CNTN5: variants seen among roughly 807,000 people sequenced by gnomAD.
CNTN5 encodes the protein contactin 5.
In CNTN5, 77 loss-of-function variants were observed where a neutral mutation model predicts 129.1. The observed-to-expected ratio is 0.60, with a 90% CI of 0.50 to 0.72. CNTN5 has a LOEUF of 0.72. CNTN5 is among the 30% of genes least tolerant of loss of function. The pLI is 0.00. For synonymous variants in CNTN5, 509 were observed against 465.6 expected, an observed-to-expected ratio of 1.09 and a Z score of -1.20; for missense variants, 1,478 against 1,328.8, an observed-to-expected ratio of 1.11 and a Z score of -1.75.
chr11:99,880,182 T>A (rs548434998), intron 6 of CNTN5, among the ~76,000 whole-genome samples: 1 of 152,310 alleles, frequency 6.6e-6, no homozygotes, highest in African/African-American at 2.4e-5. Flanking sequence ...ATTGAAAACA[T>A]TTTATATCAT....
intron 8 of CNTN5, among the ~76,000 whole-genome samples, chr11:99,980,616 T>C (rs1440467907): frequency 3.9e-5 from 6 of 152,174 alleles, no homozygotes; most frequent in Non-Finnish European, 8.8e-5. Flanking sequence ...AAAGTACGTA[T>C]TTTGCAGTCC....
chr11:99,772,500 T>G (rs1337170040), intron 3 of CNTN5, among the ~76,000 whole-genome samples: 1 of 152,052 alleles, frequency 6.6e-6, no homozygotes, highest in African/African-American at 2.4e-5. Context: ...TAGGGTTGAT[T>G]CACTTGATGT....
chr11:99,962,588 T>C (rs1227796186), intron 8 of CNTN5, among the ~76,000 whole-genome samples: 3 of 151,386 alleles, frequency 2.0e-5, no homozygotes, highest in Non-Finnish European at 2.9e-5. Flanking sequence ...TCCAAGTCTT[T>C]GCTATTGTGA....
intron 4 of CNTN5, among the ~76,000 whole-genome samples, chr11:99,842,587 A>C (rs746910429): frequency 6.6e-6 from 1 of 152,178 alleles, no homozygotes; most frequent in Non-Finnish European, 1.5e-5. Context: ...TATAACACTT[A>C]TTATATGTGA....
chr11:100,091,500 C>T (rs1944785405), intron 13 of CNTN5, among the ~76,000 whole-genome samples: 1 of 146,124 alleles, frequency 6.8e-6, no homozygotes, highest in Non-Finnish European at 1.5e-5. Context: ...GTAATCTCGG[C>T]TCACTGCAAA....
chr11:99,997,486 C>G (rs1255183637), intron 8 of CNTN5, among the ~76,000 whole-genome samples: 1 of 152,206 alleles, frequency 6.6e-6, no homozygotes, highest in Non-Finnish European at 1.5e-5. Flanking sequence ...AGACCAACAA[C>G]AGGAGCTGCA....
intron 23 of CNTN5, among the ~76,000 whole-genome samples, chr11:100,350,301 G>C (rs1255756970): frequency 6.6e-6 from 1 of 151,482 alleles, no homozygotes; most frequent in African/African-American, 2.4e-5. Flanking sequence ...TACTTCTCTA[G>C]CCTCATTCCT....
intron 1 of CNTN5, among the ~76,000 whole-genome samples, chr11:99,169,632 A>G (rs1861053460): frequency 6.6e-6 from 1 of 152,198 alleles, no homozygotes. Flanking sequence ...TCGGCTCCTT[A>G]ATAGAAGTGA....
At chr11:99,700,460 C>T (rs963671125) in intron 3 of CNTN5, among the ~76,000 whole-genome samples, 8 of 151,278 alleles carry the variant, frequency 5.3e-5, no homozygotes, top group African/African-American at 1.7e-4. Context: ...TTAGACAAGG[C>T]AAGGCTATGC....
chr11:99,836,254 A>G (rs756127283), intron 4 of CNTN5, among the ~76,000 whole-genome samples: 30 of 150,332 alleles, frequency 2.0e-4, no homozygotes, highest in Non-Finnish European at 2.7e-4. Flanking sequence ...TTAACTCGTC[A>G]CTTACATTAG....
intron 1 of CNTN5, among the ~76,000 whole-genome samples, chr11:99,153,488 G>GT (rs201731146): frequency 0.14 from 20,188 of 139,886 alleles, 1,491 homozygotes; most frequent in African/African-American, 0.15. Context: ...ATCAGATCAG[G>GT]TTTTTTTTTT....
chr11:99,035,418 G>A (rs1250159714), intron 1 of CNTN5, among the ~76,000 whole-genome samples: 1 of 152,012 alleles, frequency 6.6e-6, no homozygotes, highest in Non-Finnish European at 1.5e-5. Flanking sequence ...TCTCTTTGTA[G>A]GTCACTCAGG....
intron 1 of CNTN5, among the ~76,000 whole-genome samples, chr11:99,262,377 A>G (rs529262321): frequency 9.9e-5 from 15 of 152,238 alleles, no homozygotes; most frequent in Non-Finnish European, 2.1e-4. Context: ...TTTCATGATG[A>G]TAATTATTAT....
At chr11:100,209,175 A>C (rs1948973099) in intron 15 of CNTN5, among the ~76,000 whole-genome samples, 1 of 152,230 alleles carries the variant, frequency 6.6e-6, no homozygotes, top group Admixed American at 6.5e-5. Context: ...GCAATCTACC[A>C]CACAACCTCT....
At chr11:99,263,252 C>T (rs557406522) in intron 1 of CNTN5, among the ~76,000 whole-genome samples, 2 of 152,194 alleles carry the variant, frequency 1.3e-5, no homozygotes, top group Admixed American at 6.6e-5. Context: ...TGACACTACC[C>T]TGATCTTAGT....
intron 3 of CNTN5, among the ~76,000 whole-genome samples, chr11:99,558,011 AG>A (rs1053600319): frequency 8.6e-5 from 13 of 151,882 alleles, no homozygotes; most frequent in African/African-American, 2.9e-4. Context: ...CAGAAAAAAC[AG>A]GTTTAATAAG....
intron 15 of CNTN5, among the ~76,000 whole-genome samples, chr11:100,206,517 T>G (rs559699616): frequency 6.6e-6 from 1 of 152,236 alleles, no homozygotes; most frequent in Admixed American, 6.6e-5. Flanking sequence ...ATAAACTATA[T>G]CTTGCTTAAC....
chr11:99,443,780 T>C (rs1943938243), intron 2 of CNTN5, among the ~76,000 whole-genome samples: 1 of 152,208 alleles, frequency 6.6e-6, no homozygotes, highest in South Asian at 2.1e-4. Flanking sequence ...TACTTGTTTA[T>C]GGGTCATTAA....
rs369106023 is a variant in CNTN5, at chr11:99,923,809, G to A, written c.673+7660G>A. ...TATCTATCTATCTATCTATCTATCT[G>A]ACAGAGTCTTGCTCTGTTGCCAGGC... On this transcript the variant is annotated intron_variant, in intron 7 of 24. Transcript: ENST00000524871. 5.1e-5 allele frequency among the ~76,000 whole-genome samples: 5 copies of A among 97,422 alleles called. No individual in the cohort carries two copies. The East Asian group carries it at 1.2e-3, about 23-fold the overall frequency. 63.9% of individuals were successfully genotyped at this position (97,422 alleles called of 152,430 possible).
Sources: allele counts gnomAD v4.1 joint callset (sites outside exome capture counted in the v4.1 genomes callset), GRCh38; gene constraint gnomAD v4.1.1; transcripts MANE v1.5; gene names NCBI Gene and HGNC (gene_info 2026-07-23, HGNC 2026-07-21).